Variants in CRYBG1 observed in about 807,000 individuals in gnomAD.
CRYBG1 encodes the protein beta/gamma crystallin domain-containing protein 1.
A neutral mutation model predicts 189.2 loss-of-function variants in CRYBG1; 139 were observed. The observed-to-expected ratio is 0.73, with a 90% CI of 0.64 to 0.85. The LOEUF is 0.85. CRYBG1 is among the 40% of genes least tolerant of loss of function. The pLI is 0.00. For missense variants in CRYBG1, 2,611 were observed against 2,675.8 expected, an observed-to-expected ratio of 0.98 and a Z score of 0.53; for synonymous variants, 1,023 against 1,017.1, an observed-to-expected ratio of 1.01 and a Z score of -0.11.
Position 106,520,088 on chromosome 6 carries a change from C to T in CRYBG1, c.2880C>T (p.Phe960=), listed in dbSNP as rs148914990. The stretch of plus-strand genomic sequence containing the variant: ...GAGTCCTCGTCCAGGTCAGGTCCTT[C>T]GTGCTCCCCGTGGAGAGCACCCAGG... The part of the protein sequence containing the change: ...PSRVLVQVRS[F]VLPVESTQDV... Residue 960 remains phenylalanine (F), a synonymous_variant, in exon 4 of 22, where the codon TTC becomes TTT. Coordinates refer to ENST00000633556, the MANE Select transcript of CRYBG1 (RefSeq NM_001371242.2). 52 of 1,614,028 alleles carry T rather than the reference C, an allele frequency of 3.2e-5. No homozygotes were observed. The highest frequency in any genetic ancestry group is 2.8e-4 in the African/African-American group (21 of 74,906).
At chr6:106,517,328 A>G (rs1260054284) in intron 3 of CRYBG1, among the ~76,000 whole-genome samples, 3 of 128,690 alleles carry the variant, frequency 2.3e-5, no homozygotes, top group Non-Finnish European at 4.7e-5. Flanking sequence ...ATATATATAT[A>G]CACATATATA....
intron 16 of CRYBG1, 111 bp downstream of exon 16, chr6:106,553,678 C>A: frequency 2.7e-6 from 2 of 737,194 alleles, no homozygotes; most frequent in African/African-American, 1.8e-5. Context: ...GCGAAACCAC[C>A]ATCTTAGTCC....
chr6:106,400,300 C>T (rs1416697917), intron 1 of CRYBG1, among the ~76,000 whole-genome samples: 1 of 152,132 alleles, frequency 6.6e-6, no homozygotes, highest in Non-Finnish European at 1.5e-5. Context: ...CTTTAAGATG[C>T]AATATTAATT....
intron 4 of CRYBG1, among the ~76,000 whole-genome samples, chr6:106,521,875 C>T (rs760693420): frequency 5.9e-5 from 9 of 152,094 alleles, no homozygotes; most frequent in African/African-American, 9.6e-5. Context: ...CGTGCCACCA[C>T]GCCTGGCTAA....
In CRYBG1 at chr6:106,520,813, C is replaced by T; in HGVS notation, c.3605C>T (p.Ser1202Phe). ...ASAEQSVLFKSLHTNTNGNSE... is the reference protein window; with the variant it reads ...ASAEQSVLFKFLHTNTNGNSE... The stretch of plus-strand genomic sequence containing the variant: ...GCTGAACAGAGCGTCCTCTTCAAGT[C>T]CCTGCACACCAACACTAATGGGAAC... The change falls in exon 4 of 22, where the codon TCC becomes TTC. Residue 1202 changes from serine (S) to phenylalanine (F), a missense_variant. This residue lies in a region of CRYBG1 where 1,622 missense variants were observed against 1,735.0 expected (regional missense o/e 0.93). Coordinates refer to ENST00000633556, the MANE Select transcript of CRYBG1 (RefSeq NM_001371242.2). 6.2e-7 allele frequency: 1 copy of T among 1,614,120 alleles called. No homozygotes were observed. Among genetic ancestry groups the T allele is most frequent in the Non-Finnish European group, 8.5e-7 (1 of 1,180,008 alleles).
chr6:106,390,638 G>A (rs185750001), intron 1 of CRYBG1, among the ~76,000 whole-genome samples: 6 of 152,098 alleles, frequency 3.9e-5, no homozygotes, highest in South Asian at 2.1e-4. Flanking sequence ...TCCATTCACC[G>A]TAGATTAATT....
intron 2 of CRYBG1, among the ~76,000 whole-genome samples, chr6:106,502,337 A>G (rs1773029194): frequency 6.6e-6 from 1 of 152,228 alleles, no homozygotes; most frequent in Non-Finnish European, 1.5e-5. Context: ...CTGGGTTACA[A>G]GTTAATAAAA....
At chr6:106,477,927 G>A (rs1772364792) in intron 2 of CRYBG1, among the ~76,000 whole-genome samples, 1 of 152,264 alleles carries the variant, frequency 6.6e-6, no homozygotes, top group Non-Finnish European at 1.5e-5. Flanking sequence ...CATGTGCCAA[G>A]GCGCCAGTTC....
At chr6:106,551,342 T>A (rs1267375114) in intron 13 of CRYBG1, among the ~76,000 whole-genome samples, 1 of 152,222 alleles carries the variant, frequency 6.6e-6, no homozygotes, top group African/African-American at 2.4e-5. Context: ...AAGGACTTGA[T>A]TTCATTCTTT....
chr6:106,432,557 G>T (rs1771350390), intron 1 of CRYBG1, among the ~76,000 whole-genome samples: 2 of 152,186 alleles, frequency 1.3e-5, no homozygotes, highest in Admixed American at 6.5e-5. Context: ...GTAGGTTATT[G>T]CAAGGCTTGA....
At chr6:106,491,710 T>C (rs1339923495) in intron 2 of CRYBG1, among the ~76,000 whole-genome samples, 1 of 152,132 alleles carries the variant, frequency 6.6e-6, no homozygotes, top group Non-Finnish European at 1.5e-5. Context: ...TCTGAACTGC[T>C]GACTCTAGGT....
intron 2 of CRYBG1, among the ~76,000 whole-genome samples, chr6:106,499,928 T>A (rs556612149): frequency 3.9e-5 from 6 of 152,218 alleles, no homozygotes; most frequent in Non-Finnish European, 7.3e-5. Flanking sequence ...TATTTATCCT[T>A]CTGTGCCTGG....
chr6:106,536,246 G>A (rs1241073496), intron 8 of CRYBG1, among the ~76,000 whole-genome samples: 2 of 152,162 alleles, frequency 1.3e-5, no homozygotes, highest in African/African-American at 4.8e-5. Context: ...TTTTGGCACG[G>A]ATACTTCATA....
chr6:106,556,531 G>A (rs1039968944), intron 17 of CRYBG1, among the ~76,000 whole-genome samples: 1 of 152,076 alleles, frequency 6.6e-6, no homozygotes, highest in Admixed American at 6.6e-5. Context: ...CTCCCAGTTT[G>A]CCACTATGTG....
In CRYBG1 at chr6:106,519,657, G is replaced by A; in HGVS notation, c.2449G>A (p.Asp817Asn). The A allele has an allele frequency of 1.2e-6, 2 of 1,614,060 alleles. No homozygotes were observed. Among genetic ancestry groups the A allele is most frequent in the Non-Finnish European group, 1.7e-6 (2 of 1,179,950 alleles). Reference sequence around the variant, plus strand: ...GGATCATAAGCTCTTAGAGAAGGAGGACTCAGAGGCTGCAGACAGCAAAAG... The same window carrying A: ...GGATCATAAGCTCTTAGAGAAGGAGAACTCAGAGGCTGCAGACAGCAAAAG... ...VKDHKLLEKE[D>N]SEAADSKSLV... Residue 817 changes from aspartate to asparagine, a missense_variant, in exon 4 of 22, where the codon GAC becomes AAC. This residue lies in a region of CRYBG1 where 1,622 missense variants were observed against 1,735.0 expected (regional missense o/e 0.93). Transcript: ENST00000633556.
At chr6:106,386,377 A>C (rs565533343) in intron 1 of CRYBG1, among the ~76,000 whole-genome samples, 1 of 152,300 alleles carries the variant, frequency 6.6e-6, no homozygotes, top group East Asian at 1.9e-4. Context: ...TGTGGACAGA[A>C]GTGGTAAATA....
chr6:106,460,069 C>T (rs1338930298), intron 2 of CRYBG1, among the ~76,000 whole-genome samples: 9 of 151,896 alleles, frequency 5.9e-5, no homozygotes, highest in Non-Finnish European at 1.3e-4. Flanking sequence ...AGGCTGGAAG[C>T]TCTGCCTCCC....
chr6:106,433,736 C>CGTATAT lies in CRYBG1; in HGVS notation c.174-17958_174-17957insGTATAT, dbSNP rs1554235113. 3.4e-3 allele frequency among the ~76,000 whole-genome samples: 95 copies of CGTATAT among 27,654 alleles called. 3 individuals carry two copies. Among genetic ancestry groups the CGTATAT allele is most frequent in the African/African-American group, 7.4e-3 (88 of 11,898 alleles). The allele number at this position is 27,654 out of a possible 152,430, so 18.1% of individuals were successfully genotyped here. A position where few individuals can be genotyped will look rare whatever the true frequency, so the allele number is the denominator to read the frequency against. On this transcript the variant is annotated intron_variant, in intron 1 of 21. Coordinates refer to ENST00000633556, the MANE Select transcript of CRYBG1 (RefSeq NM_001371242.2). ...ACTGGGAAATATATATATATATATA[C>CGTATAT]ATATATATGTATATATATATGTGTA...
At chr6:106,382,184 G>A (rs1033831382) in intron 1 of CRYBG1, among the ~76,000 whole-genome samples, 4 of 152,192 alleles carry the variant, frequency 2.6e-5, no homozygotes, top group Non-Finnish European at 4.4e-5. Flanking sequence ...GACAGTACAC[G>A]TGTGGTCAGT....
Sources: allele counts gnomAD v4.1 joint callset (sites outside exome capture counted in the v4.1 genomes callset), GRCh38; gene constraint gnomAD v4.1.1; regional missense constraint gnomAD v4.1.1; transcripts MANE v1.5; gene names NCBI Gene and HGNC (gene_info 2026-07-23, HGNC 2026-07-21).